Variants in WWOX observed in about 807,000 individuals in gnomAD.
WWOX encodes WW domain containing oxidoreductase.
Under a neutral mutation model 46.2 loss-of-function variants are expected in WWOX, and 69 were observed. That is an observed-to-expected ratio of 1.49 (90% CI 1.23 to 1.82). The LOEUF (loss-of-function observed/expected upper bound fraction) is 1.82, where lower values mean the gene tolerates loss of function less well. WWOX is among the 40% of genes most tolerant of loss of function. The probability of loss-of-function intolerance (pLI) is 0.00; values close to 1 mark genes in which losing one functional copy is unlikely to be tolerated. For synonymous variants in WWOX, 359 were observed against 202.6 expected, an observed-to-expected ratio of 1.77 and a Z score of -6.56; for missense variants, 919 against 542.6, an observed-to-expected ratio of 1.69 and a Z score of -6.89.
At chr16:78,956,398 G>C (rs1434428824) in intron 8 of WWOX, among the ~76,000 whole-genome samples, 1 of 151,966 alleles carries the variant, frequency 6.6e-6, no homozygotes, top group East Asian at 1.9e-4. Flanking sequence ...CAAGTGATCC[G>C]CCCATCTCGG....
intron 5 of WWOX, among the ~76,000 whole-genome samples, chr16:78,192,264 G>A (rs751310048): frequency 2.0e-5 from 3 of 152,070 alleles, no homozygotes; most frequent in East Asian, 1.9e-4. Context: ...GGATGCTGAC[G>A]CGGGTGGATC....
intron 8 of WWOX, among the ~76,000 whole-genome samples, chr16:78,692,761 C>A (rs1051767264): frequency 2.6e-5 from 4 of 152,108 alleles, no homozygotes; most frequent in Admixed American, 2.6e-4. Context: ...TATGAGTGGC[C>A]CCAGGTTTCC....
chr16:78,998,058 T>C (rs1187551679), intron 8 of WWOX, among the ~76,000 whole-genome samples: 3 of 152,114 alleles, frequency 2.0e-5, no homozygotes, highest in African/African-American at 7.2e-5. Context: ...GTGTTTTTAG[T>C]AAAGACAGGG....
chr16:78,487,163 TC>T (rs1475659559), intron 8 of WWOX, among the ~76,000 whole-genome samples: 1 of 152,236 alleles, frequency 6.6e-6, no homozygotes, highest in African/African-American at 2.4e-5. Flanking sequence ...TTTGCAATTT[TC>T]TTTAATATTT....
intron 8 of WWOX, among the ~76,000 whole-genome samples, chr16:78,692,123 C>T (rs2048003926): frequency 6.6e-6 from 1 of 152,136 alleles, no homozygotes. Flanking sequence ...TCAGGTATGT[C>T]TTTATCAGCA....
intron 5 of WWOX, among the ~76,000 whole-genome samples, chr16:78,297,952 G>A (rs1189618752): frequency 6.6e-6 from 1 of 152,146 alleles, no homozygotes; most frequent in African/African-American, 2.4e-5. Context: ...GAGGGACCTC[G>A]TGGGAGGTGA....
intron 8 of WWOX, among the ~76,000 whole-genome samples, chr16:79,188,119 A>T (rs953397194): frequency 6.6e-6 from 1 of 152,048 alleles, no homozygotes; most frequent in Non-Finnish European, 1.5e-5. Flanking sequence ...GATTTTTCTC[A>T]TCTCCTTCCT....
chr16:79,031,717 G>A (rs2047758446), intron 8 of WWOX, among the ~76,000 whole-genome samples: 1 of 145,138 alleles, frequency 6.9e-6, no homozygotes, highest in Non-Finnish European at 1.5e-5. Flanking sequence ...TAGTTTTTTT[G>A]TTTTGCTTAA....
intron 8 of WWOX, among the ~76,000 whole-genome samples, chr16:78,457,430 C>T (rs867994563): frequency 2.6e-5 from 4 of 152,166 alleles, no homozygotes; most frequent in Non-Finnish European, 4.4e-5. Flanking sequence ...CTTCCACGTA[C>T]GTCCTGAGAA....
intron 8 of WWOX, among the ~76,000 whole-genome samples, chr16:78,688,433 T>A (rs1244379974): frequency 6.6e-6 from 1 of 151,952 alleles, no homozygotes; most frequent in African/African-American, 2.4e-5. Flanking sequence ...TAAGTCTCAT[T>A]CACTTCTTTC....
intron 8 of WWOX, among the ~76,000 whole-genome samples, chr16:78,561,580 C>A (rs78831259): frequency 0.059 from 8,915 of 151,748 alleles, 317 homozygotes; most frequent in Non-Finnish European, 0.081. Flanking sequence ...TATCAAAGCC[C>A]CATTTTTTTT....
At chr16:78,315,581 C>G (rs1452059194) in intron 5 of WWOX, among the ~76,000 whole-genome samples, 3 of 152,076 alleles carry the variant, frequency 2.0e-5, no homozygotes, top group Non-Finnish European at 4.4e-5. Context: ...ACCCGGGAAG[C>G]AGAGGTTGTA....
intron 8 of WWOX, among the ~76,000 whole-genome samples, chr16:79,042,149 T>G (rs2047983497): frequency 6.6e-6 from 1 of 152,168 alleles, no homozygotes; most frequent in East Asian, 1.9e-4. Flanking sequence ...CTCTGAAGTA[T>G]TCACAGGTGG....
chr16:78,601,168 G>A (rs2045613551), intron 8 of WWOX, among the ~76,000 whole-genome samples: 1 of 152,190 alleles, frequency 6.6e-6, no homozygotes, highest in Non-Finnish European at 1.5e-5. Context: ...TGGCCTCTCT[G>A]CCACTCATAT....
intron 8 of WWOX, among the ~76,000 whole-genome samples, chr16:78,598,989 G>C (rs1197394965): frequency 6.6e-6 from 1 of 152,172 alleles, no homozygotes; most frequent in African/African-American, 2.4e-5. Context: ...GTAAGTGGCA[G>C]GGTCGGCATT....
At chr16:79,153,553 C>G (rs1326217139) in intron 8 of WWOX, among the ~76,000 whole-genome samples, 1 of 152,170 alleles carries the variant, frequency 6.6e-6, no homozygotes, top group East Asian at 1.9e-4. Flanking sequence ...GTGGATTACA[C>G]TGAGTAACAA....
intron 8 of WWOX, among the ~76,000 whole-genome samples, chr16:79,028,076 GAGT>G (rs2047681261): frequency 6.6e-6 from 1 of 151,500 alleles, no homozygotes; most frequent in African/African-American, 2.4e-5. Context: ...TCTGCCTCCC[GAGT>G]AGCTGAGACT....
intron 7 of WWOX, among the ~76,000 whole-genome samples, chr16:78,431,666 T>C (rs1358350379): frequency 6.6e-6 from 1 of 151,606 alleles, no homozygotes; most frequent in Non-Finnish European, 1.5e-5. Context: ...TGGGTCTTTA[T>C]TGAAGTCTCT....
intron 8 of WWOX, among the ~76,000 whole-genome samples, chr16:78,671,395 G>A (rs1199350129): frequency 1.3e-5 from 2 of 152,100 alleles, no homozygotes; most frequent in Non-Finnish European, 2.9e-5. Context: ...ACTGCACTCC[G>A]GCCTGGGTGA....
Sources: gnomAD v4.1 joint callset for allele counts (sites outside exome capture counted in the v4.1 genomes callset) on GRCh38, gnomAD v4.1.1 for gene constraint, MANE v1.5 for transcripts, NCBI Gene and HGNC (gene_info 2026-07-23, HGNC 2026-07-21) for gene names.